Variants in DPP6 observed in about 807,000 individuals in gnomAD.
DPP6 encodes A-type potassium channel modulatory protein DPP6.
In DPP6, 69 loss-of-function variants were observed where a neutral mutation model predicts 122.6. The observed-to-expected ratio is 0.56, with a 90% CI of 0.46 to 0.69. The LOEUF (loss-of-function observed/expected upper bound fraction) is 0.69. Ranked by LOEUF, DPP6 falls within the 30% of genes least tolerant of loss-of-function variation. The pLI is 0.00. For missense variants in DPP6, 928 were observed against 1,116.9 expected (o/e 0.83, Z 2.41); for synonymous variants, 418 against 433.1 (o/e 0.97, Z 0.43).
At chr7:154,630,133 A>G (rs2130893067) in intron 5 of DPP6, among the ~76,000 whole-genome samples, 1 of 152,346 alleles carries the variant, frequency 6.6e-6, no homozygotes, top group African/African-American at 2.4e-5. Context: ...ACAGGCTCAG[A>G]TGACCTCTGC....
At position 154,679,540 on chromosome 7, in the gene DPP6, C is replaced by T. The variant is rs527543638; in HGVS notation, c.762+10099C>T. 5.9e-5 allele frequency among the ~76,000 whole-genome samples: 9 copies of T among 152,246 alleles called. No individual in the cohort carries two copies. In the South Asian group the frequency reaches 1.2e-3, roughly 21 times the overall value. On this transcript the variant is annotated intron_variant, in intron 7 of 25. Transcript: ENST00000377770. ...AAGTTACAGCCTGGCTCAGGGTTAG[C>T]GCTGCCCACCCAGTCCCATGGCTGT...
intron 7 of DPP6, among the ~76,000 whole-genome samples, chr7:154,681,884 T>C (rs547022398): frequency 6.6e-6 from 1 of 152,348 alleles, no homozygotes; most frequent in South Asian, 2.1e-4. Flanking sequence ...ATTTTGCTTT[T>C]GAATAACTTT....
rs148940345 is a variant in DPP6 at position 154,238,967 on chromosome 7, T to G, written c.243+185904T>G. On this transcript the variant is annotated intron_variant, in intron 1 of 25. Coordinates refer to ENST00000377770, the MANE Select transcript of DPP6 (RefSeq NM_130797.4). ...GAGCAACACAAAATTATTACCATTA[T>G]TGTCATTATTGAAAGAAACAGTTGA... Among the ~76,000 whole-genome samples, 587 of 152,342 alleles carry G rather than the reference T, an allele frequency of 3.9e-3. 7 individuals are homozygous for G. The highest frequency in any genetic ancestry group is 0.014 in the African/African-American group (567 of 41,578).
intron 1 of DPP6, among the ~76,000 whole-genome samples, chr7:154,344,913 A>C (rs1241935891): frequency 1.3e-5 from 2 of 151,904 alleles, no homozygotes; most frequent in Non-Finnish European, 2.9e-5. Context: ...ATGAATAATA[A>C]CCTCCAAGTG....
intron 1 of DPP6, among the ~76,000 whole-genome samples, chr7:153,962,978 G>A (rs1411282611): frequency 1.3e-5 from 2 of 151,824 alleles, no homozygotes; most frequent in Non-Finnish European, 2.9e-5. Flanking sequence ...TCTATTTTGG[G>A]GCCTTTTTGA....
chr7:154,666,194 TATATATACAC>T (rs1162760816), intron 6 of DPP6, among the ~76,000 whole-genome samples: 7 of 118,982 alleles, frequency 5.9e-5, no homozygotes, highest in African/African-American at 2.6e-4. Flanking sequence ...TATATATATA[TATATATACAC>T]ATATACATAC....
intron 1 of DPP6, among the ~76,000 whole-genome samples, chr7:154,296,989 G>A (rs1222581317): frequency 1.3e-5 from 2 of 151,864 alleles, no homozygotes; most frequent in African/African-American, 2.4e-5. Context: ...TGTAGGAAGT[G>A]TACTGCCTTA....
intron 1 of DPP6, among the ~76,000 whole-genome samples, chr7:154,007,133 C>A (rs970403644): frequency 2.6e-5 from 4 of 152,166 alleles, no homozygotes; most frequent in African/African-American, 4.8e-5. Context: ...GTGAGTGGTG[C>A]CCCAGTGTTG....
intron 1 of DPP6, among the ~76,000 whole-genome samples, chr7:154,269,710 C>T (rs1455309986): frequency 6.6e-6 from 1 of 152,114 alleles, no homozygotes; most frequent in Non-Finnish European, 1.5e-5. Flanking sequence ...GATTTTCTAC[C>T]TTATAGATCT....
At chr7:154,569,956 T>A (rs1831008407) in intron 5 of DPP6, among the ~76,000 whole-genome samples, 1 of 151,904 alleles carries the variant, frequency 6.6e-6, no homozygotes, top group African/African-American at 2.4e-5. Context: ...CCTGGGCTTC[T>A]GTTTCTCAGT....
At chr7:154,443,582 A>C (rs1016464612) in intron 1 of DPP6, among the ~76,000 whole-genome samples, 1 of 150,444 alleles carries the variant, frequency 6.6e-6, no homozygotes, top group African/African-American at 2.5e-5. Flanking sequence ...AGATGGATGG[A>C]TGGATGAGTG....
At chr7:154,158,774 C>T (rs1308043108) in intron 1 of DPP6, among the ~76,000 whole-genome samples, 2 of 152,042 alleles carry the variant, frequency 1.3e-5, no homozygotes, top group Non-Finnish European at 2.9e-5. Flanking sequence ...ACTGAGGACT[C>T]TCCTATTTGA....
intron 1 of DPP6, among the ~76,000 whole-genome samples, chr7:153,995,206 T>G (rs1164238734): frequency 2.0e-5 from 3 of 152,132 alleles, no homozygotes; most frequent in Non-Finnish European, 4.4e-5. Flanking sequence ...CTATTCACAG[T>G]AGCCACTGAT....
intron 25 of DPP6, chr7:154,890,775 G>A (rs1194378613): frequency 6.6e-6 from 1 of 152,218 alleles, no homozygotes; most frequent in African/African-American, 2.4e-5. Flanking sequence ...GAGGCAGGAG[G>A]AGAAAGCTTC....
chr7:153,879,882 T>C, the DPP6 span, among the ~76,000 whole-genome samples: 1 of 152,114 alleles, frequency 6.6e-6, no homozygotes, highest in Non-Finnish European at 1.5e-5. Context: ...GGAGGAAGAG[T>C]TTTATACATA....
chr7:153,918,592 C>CACAG (rs1563006289), intron 1 of DPP6, among the ~76,000 whole-genome samples: 1 of 97,026 alleles, frequency 1.0e-5, no homozygotes, highest in Non-Finnish European at 2.2e-5. Flanking sequence ...CTCTCTCTCT[C>CACAG]TCTCTCTCTC....
At chr7:154,805,888 G>A (rs985122429) in intron 15 of DPP6, among the ~76,000 whole-genome samples, 2 of 152,226 alleles carry the variant, frequency 1.3e-5, no homozygotes, top group Non-Finnish European at 2.9e-5. Flanking sequence ...AAAGGCACCT[G>A]GGCCGCTGAA....
At chr7:154,338,467 A>C (rs1240611404) in intron 1 of DPP6, among the ~76,000 whole-genome samples, 1 of 152,250 alleles carries the variant, frequency 6.6e-6, no homozygotes, top group Non-Finnish European at 1.5e-5. Flanking sequence ...GAAATAAAAA[A>C]TGTCAGGTAC....
chr7:154,181,892 G>A (rs1404986836), intron 1 of DPP6, among the ~76,000 whole-genome samples: 3 of 151,894 alleles, frequency 2.0e-5, no homozygotes, highest in Non-Finnish European at 4.4e-5. Flanking sequence ...GGGATTACAA[G>A]CATGTGCCAC....
Sources: gnomAD v4.1 joint callset for allele counts (sites outside exome capture counted in the v4.1 genomes callset) on GRCh38, gnomAD v4.1.1 for gene constraint, MANE v1.5 for transcripts, NCBI Gene and HGNC (gene_info 2026-07-23, HGNC 2026-07-21) for gene names.